The following GTF2H2C variants were observed in gnomAD, a reference collection of about 807,000 sequenced individuals.
GTF2H2C encodes the protein general transcription factor IIH subunit 2-like protein.
A neutral mutation model predicts 24.8 loss-of-function variants in GTF2H2C; 5 were observed. The observed-to-expected ratio is 0.20, with a 90% CI of 0.11 to 0.42. The LOEUF is 0.42. Among genes scored for constraint, GTF2H2C ranks in the 20% least tolerant of loss-of-function variants. The pLI, the probability that GTF2H2C is intolerant of heterozygous loss-of-function variation, is 1.00. For missense variants in GTF2H2C, 45 were observed against 169.8 expected (o/e 0.27, Z 4.08); for synonymous variants, 14 against 52.6 (o/e 0.27, Z 3.18).
rs748073175 is a variant in GTF2H2C, at chr5:69,568,214, A to G, written c.364+7A>G. 9.4e-6 allele frequency: 4 copies of G among 426,024 alleles called. No homozygotes were observed. The East Asian group carries it at 1.6e-4, about 18-fold the overall frequency. 26.4% of individuals were successfully genotyped at this position (426,024 alleles called of 1,614,324 possible). A position where few individuals can be genotyped will look rare whatever the true frequency, so the allele number is the denominator to read the frequency against. On this transcript the variant is annotated splice_region_variant and intron_variant, in intron 8 of 16. Transcript: ENST00000380729. ...AAATTGACTGAACTTTCAGGTATGC[A>G]TAAAATTACCTTTACATGACTCAAG...
At position 69,568,194 on chromosome 5, in the gene GTF2H2C, G is replaced by A. The variant is rs1486951662; in HGVS notation, c.351G>A (p.Leu117=). Residue 117 remains leucine, a synonymous_variant, in exon 8 of 17, where the codon TTG becomes TTA. Coordinates refer to ENST00000380729, the MANE Select transcript of GTF2H2C (RefSeq NM_001376000.2). ...CTAAGAGTAAAAGAGCTGAAAAATT[G>A]ACTGAACTTTCAGGTATGCATAAAA... ...IVTKSKRAEK[L]TELSGNPRKH... The A allele has an allele frequency of 4.3e-6, 2 of 459,870 alleles. No individual in the cohort carries two copies. The highest frequency in any genetic ancestry group is 7.5e-6 in the Non-Finnish European group (2 of 266,598). The allele number at this position is 459,870 out of a possible 1,614,324, so 28.5% of individuals were successfully genotyped here.
intron 12 of GTF2H2C, among the ~76,000 whole-genome samples, chr5:69,580,455 C>T (rs1274908157): frequency 1.4e-5 from 2 of 146,246 alleles, no homozygotes; most frequent in Admixed American, 6.9e-5. Flanking sequence ...CTACAAAGGC[C>T]GGGCGTGGTG....
Position 69,594,575 on chromosome 5 carries a change from T to C in GTF2H2C, c.*2377T>C, listed in dbSNP as rs1224046398. The stretch of plus-strand genomic sequence containing the variant: ...AAACAAATTTCACCTATAGGTAACC[T>C]GGTAACTGCTATTTTCTTCTGTGTG... On this transcript the variant is annotated 3_prime_UTR_variant, in exon 17 of 17. Transcript: ENST00000380729. 3 of 126,098 alleles carry C rather than the reference T, an allele frequency of 2.4e-5. No homozygotes were observed. The highest frequency in any genetic ancestry group is 5.2e-5 in the Non-Finnish European group (3 of 58,034). 7.8% of individuals were successfully genotyped at this position (126,098 alleles called of 1,614,324 possible). A position where few individuals can be genotyped will look rare whatever the true frequency, so the allele number is the denominator to read the frequency against.
chr5:69,563,674 A>G (rs1181755085), intron 2 of GTF2H2C, among the ~76,000 whole-genome samples: 1 of 151,812 alleles, frequency 6.6e-6, no homozygotes, highest in African/African-American at 2.4e-5. Context: ...CAGTTTTTCA[A>G]CCCTCACTCT....
intron 8 of GTF2H2C, chr5:69,568,797 A>C (rs1580628571): frequency 4.1e-5 from 3 of 73,112 alleles, no homozygotes; most frequent in Admixed American, 3.9e-4. Flanking sequence ...ATCCGGCCTT[A>C]TCCTGAAGAT....
At chr5:69,591,492 C>G (rs1299856737) in intron 16 of GTF2H2C, among the ~76,000 whole-genome samples, 38 of 148,432 alleles carry the variant, frequency 2.6e-4, no homozygotes, top group African/African-American at 8.9e-4. Context: ...CCAAATACTT[C>G]TGAGATTTAG....
At position 69,593,938 on chromosome 5, in the gene GTF2H2C, GAAAA is replaced by G. The variant is rs1174187959; in HGVS notation, c.*1763_*1766del. Among the ~76,000 whole-genome samples the G allele has an allele frequency of 2.8e-3, 117 of 41,736 alleles. No individual in the cohort carries two copies. The highest frequency in any genetic ancestry group is 1.0e-2 in the African/African-American group (94 of 9,446). The allele number at this position is 41,736 out of a possible 152,430, so 27.4% of individuals were successfully genotyped here. ...GCGACAGAGCTAGACTCTGTCTCAA[GAAAA>G]AAAAAAAAAAAAAAAAAAAAAAGAG... On this transcript the variant is annotated 3_prime_UTR_variant, in exon 17 of 17. Coordinates refer to ENST00000380729, the MANE Select transcript of GTF2H2C (RefSeq NM_001376000.2).
chr5:69,565,941 G>A, intron 3 of GTF2H2C, 190 bp from the exon 4 acceptor site: 2 of 595,270 alleles, frequency 3.4e-6, no homozygotes, highest in South Asian at 2.0e-5. Flanking sequence ...TCCCATCTAT[G>A]GTTATGCCAC....
In GTF2H2C at chr5:69,572,488, T is replaced by C; in HGVS notation, c.408T>C (p.Asp136=). 1 of 1,569,588 alleles carries C rather than the reference T, an allele frequency of 6.4e-7. No homozygotes were observed. Among genetic ancestry groups the C allele is most frequent in the South Asian group, 1.2e-5 (1 of 86,478 alleles). ...KHITSLKEAV[D]MTCHGEPSLY... Reference sequence around the variant, plus strand: ...TAACGTCTTTGAAGGAAGCTGTGGATATGACCTGCCATGGAGAGCCATCTC... The same window carrying C: ...TAACGTCTTTGAAGGAAGCTGTGGACATGACCTGCCATGGAGAGCCATCTC... The change falls in exon 9 of 17, where the codon GAT becomes GAC. Residue 136 remains aspartate, a synonymous_variant. Coordinates refer to ENST00000380729, the MANE Select transcript of GTF2H2C (RefSeq NM_001376000.2).
intron 5 of GTF2H2C, 69 bp downstream of exon 5, chr5:69,566,694 GA>G: frequency 1.2e-6 from 1 of 818,090 alleles, no homozygotes; most frequent in South Asian, 1.9e-5. Flanking sequence ...TGTCTTGCTA[GA>G]AAAAACAATA....
At chr5:69,563,754 T>G (rs559619040) in intron 2 of GTF2H2C, among the ~76,000 whole-genome samples, 16 of 152,130 alleles carry the variant, frequency 1.1e-4, no homozygotes, top group Non-Finnish European at 2.1e-4. Flanking sequence ...GTGTACTCAG[T>G]GTTTAGTTTC....
chr5:69,560,807 G>C (rs1441709277), intron 1 of GTF2H2C, among the ~76,000 whole-genome samples: 2 of 152,044 alleles, frequency 1.3e-5, no homozygotes, highest in Non-Finnish European at 2.9e-5. Flanking sequence ...CGCCAGGCTG[G>C]AGTGCAGCGG....
At chr5:69,565,073 T>C (rs1770666107) in intron 2 of GTF2H2C, 27 bp from the exon 3 acceptor site, 3 of 595,418 alleles carry the variant, frequency 5.0e-6, no homozygotes, top group East Asian at 2.8e-5. Flanking sequence ...CATCTTTAGA[T>C]AACTTACATT....
intron 4 of GTF2H2C, 178 bp from the exon 5 acceptor site, chr5:69,566,411 T>G (rs1770763005): frequency 8.1e-7 from 1 of 1,235,022 alleles, no homozygotes; most frequent in East Asian, 2.5e-5. Context: ...TACCTATAAT[T>G]ATGTGTATTG....
intron 16 of GTF2H2C, among the ~76,000 whole-genome samples, chr5:69,591,482 C>T (rs1771987959): frequency 6.6e-6 from 1 of 150,704 alleles, no homozygotes; most frequent in Non-Finnish European, 1.5e-5. Flanking sequence ...TTATTCAAAG[C>T]CAAATACTTC....
At chr5:69,573,141 T>TACAC (rs1465676624) in intron 9 of GTF2H2C, among the ~76,000 whole-genome samples, 23 of 62,312 alleles carry the variant, frequency 3.7e-4, no homozygotes, top group African/African-American at 1.3e-3. Context: ...ATATCTATTA[T>TACAC]ATATACACAC....
rs1772109866 is a variant in GTF2H2C, at chr5:69,594,436, T to TATACAC, written c.*2239_*2240insTACACA. The TATACAC allele has an allele frequency of 6.9e-6, 1 of 145,396 alleles. No individual in the cohort carries two copies. Among genetic ancestry groups the TATACAC allele is most frequent in the Admixed American group, 7.1e-5 (1 of 14,066 alleles). The allele number at this position is 145,396 out of a possible 1,614,324, so 9.0% of individuals were successfully genotyped here. A position where few individuals can be genotyped will look rare whatever the true frequency, so the allele number is the denominator to read the frequency against. On this transcript the variant is annotated 3_prime_UTR_variant, in exon 17 of 17. Transcript: ENST00000380729. ...GGAGCCCAGGAATATTCATTTTTAA[T>TATACAC]ACACACACACACACACACACACACA...
intron 8 of GTF2H2C, 185 bp downstream of exon 8, chr5:69,568,392 A>C: frequency 1.7e-6 from 1 of 574,268 alleles, no homozygotes; most frequent in Non-Finnish European, 3.1e-6. Context: ...AACTATTCTA[A>C]ATTGAGTTCT....
At chr5:69,590,007 C>T (rs946565875) in intron 15 of GTF2H2C, among the ~76,000 whole-genome samples, 2 of 141,200 alleles carry the variant, frequency 1.4e-5, no homozygotes, top group East Asian at 4.5e-4. Context: ...GCGTCAGCCT[C>T]CTGAGTAGCT....
Sources: allele counts gnomAD v4.1 joint callset (sites outside exome capture counted in the v4.1 genomes callset), GRCh38; gene constraint gnomAD v4.1.1; transcripts MANE v1.5; gene names NCBI Gene and HGNC (gene_info 2026-07-23, HGNC 2026-07-21).